Variants in FXR1 observed in about 807,000 individuals in gnomAD.
FXR1 encodes the protein FMR1 autosomal homolog 1, also known as RNA-binding protein FXR1.
In FXR1, 15 loss-of-function variants were observed where a neutral mutation model predicts 84.0. The ratio of observed to expected loss-of-function variants is 0.18; its 90% CI spans 0.12 to 0.27. FXR1 has a LOEUF of 0.27. Ranked by LOEUF, FXR1 falls within the 10% of genes least tolerant of loss-of-function variation. The probability of loss-of-function intolerance (pLI) is 1.00; values close to 1 mark genes in which losing one functional copy is unlikely to be tolerated. For synonymous variants in FXR1, 245 were observed against 250.7 expected, an observed-to-expected ratio of 0.98 and a Z score of 0.21; for missense variants, 480 against 774.4, an observed-to-expected ratio of 0.62 and a Z score of 4.51.
intron 3 of FXR1, among the ~76,000 whole-genome samples, chr3:180,940,625 C>G (rs1440116163): frequency 6.8e-6 from 1 of 147,800 alleles, no homozygotes; most frequent in Non-Finnish European, 1.5e-5. Context: ...TGTCCAGGCT[C>G]TAGTGCAATG....
intron 10 of FXR1, among the ~76,000 whole-genome samples, chr3:180,960,955 C>T (rs1255114192): frequency 6.6e-6 from 1 of 152,080 alleles, no homozygotes; most frequent in Non-Finnish European, 1.5e-5. Flanking sequence ...TTTCAACTTA[C>T]ATGGATTTTA....
Position 180,963,185 on chromosome 3 carries a change from A to G in FXR1, c.1198+95A>G, listed in dbSNP as rs1712362574. 3 of 626,250 alleles carry G rather than the reference A, an allele frequency of 4.8e-6. No individual in the cohort carries two copies. The East Asian group carries it at 8.4e-5, about 17-fold the overall frequency. The allele number at this position is 626,250 out of a possible 1,614,324, so 38.8% of individuals were successfully genotyped here. A position where few individuals can be genotyped will look rare whatever the true frequency, so the allele number is the denominator to read the frequency against. On this transcript the variant is annotated intron_variant, in intron 13 of 16. Coordinates refer to ENST00000357559, the MANE Select transcript of FXR1 (RefSeq NM_005087.4). ...CACATTTTCTTATAATTAGTTCATT[A>G]CTCTGTCTTGGCTTTGAGGGTAGAA...
At position 180,925,992 on chromosome 3, in the gene FXR1, C is replaced by A. The variant is rs911592142; in HGVS notation, c.52-7342C>A. ...ACCCTTCACTATCTAACAAACAGCC[C>A]AGTGTCTCTAATAAAGAAGGATTTA... is the stretch of plus-strand genomic sequence containing the variant. On this transcript the variant is annotated intron_variant, in intron 1 of 16. Coordinates refer to ENST00000357559, the MANE Select transcript of FXR1 (RefSeq NM_005087.4). Among the ~76,000 whole-genome samples, 4 of 152,072 alleles carry A rather than the reference C, an allele frequency of 2.6e-5. No homozygotes were observed. The East Asian group carries it at 7.7e-4, about 29-fold the overall frequency.
intron 1 of FXR1, among the ~76,000 whole-genome samples, chr3:180,919,647 G>T (rs1294050551): frequency 6.6e-6 from 1 of 151,028 alleles, no homozygotes; most frequent in Non-Finnish European, 1.5e-5. Flanking sequence ...AAATAATATT[G>T]AAATTAATAT....
chr3:180,972,794 T>C (rs1368473340), intron 15 of FXR1, among the ~76,000 whole-genome samples: 1 of 152,202 alleles, frequency 6.6e-6, no homozygotes, highest in Non-Finnish European at 1.5e-5. Context: ...TTCCCTCTTT[T>C]AAAACTCCTC....
intron 3 of FXR1, among the ~76,000 whole-genome samples, chr3:180,946,882 C>T (rs519618): frequency 0.049 from 7,424 of 152,232 alleles, 255 homozygotes; most frequent in Non-Finnish European, 0.071. Context: ...AGTTTCTTCT[C>T]AGCCCCCCTT....
rs1319368947 is a variant in FXR1, at chr3:180,957,829, TG to T, written c.893del (p.Gly298GlufsTer10). ...VPRNLVGKVI[G>X]KNGKVIQEIV... ...TTTCTCTTACTAAAGGAAAAGTAAT[TG>T]GAAAAAATGGCAAAGTTATTCAAGA... On this transcript the variant is annotated frameshift_variant, in exon 10 of 17. Coordinates refer to ENST00000357559, the MANE Select transcript of FXR1 (RefSeq NM_005087.4). LOFTEE classifies it high-confidence loss of function. The T allele has an allele frequency of 6.6e-7, 1 of 1,523,142 alleles. No homozygotes were observed. 94.4% of individuals were successfully genotyped at this position (1,523,142 alleles called of 1,614,324 possible). A position where few individuals can be genotyped will look rare whatever the true frequency, so the allele number is the denominator to read the frequency against.
intron 1 of FXR1, among the ~76,000 whole-genome samples, chr3:180,926,650 C>G (rs1008787005): frequency 3.3e-5 from 5 of 151,628 alleles, no homozygotes; most frequent in Non-Finnish European, 7.4e-5. Flanking sequence ...TCTGGACTTG[C>G]ATTTTAAAAC....
chr3:180,938,010 C>G (rs1215552657), intron 3 of FXR1, among the ~76,000 whole-genome samples: 1 of 151,998 alleles, frequency 6.6e-6, no homozygotes, highest in South Asian at 2.1e-4. Flanking sequence ...ATATTTGTGA[C>G]TTTTGTATTC....
chr3:180,941,799 T>C (rs1227391357), intron 3 of FXR1, among the ~76,000 whole-genome samples: 6 of 152,216 alleles, frequency 3.9e-5, no homozygotes, highest in Non-Finnish European at 5.9e-5. Flanking sequence ...GTGAATGAGA[T>C]AATACTATTA....
Position 180,948,798 on chromosome 3 carries a change from C to T in FXR1, c.497C>T (p.Thr166Ile). ...ACRIFYHPET[T>I]QLMILSASEA... The stretch of plus-strand genomic sequence containing the variant: ...AGAATTTTTTACCATCCAGAAACAA[C>T]ACAGCTAATGATACTGGTAAGATAG... Residue 166 changes from threonine (T) to isoleucine (I), a missense_variant, in exon 6 of 17, where the codon ACA becomes ATA. Transcript: ENST00000357559. The T allele has an allele frequency of 6.9e-7, 1 of 1,452,322 alleles. No individual in the cohort carries two copies. The allele number at this position is 1,452,322 out of a possible 1,614,324, so 90.0% of individuals were successfully genotyped here.
intron 9 of FXR1, among the ~76,000 whole-genome samples, chr3:180,956,622 G>A (rs998336741): frequency 6.6e-6 from 1 of 152,100 alleles, no homozygotes; most frequent in Non-Finnish European, 1.5e-5. Flanking sequence ...TGTTAACAAT[G>A]AAGGTTGCTT....
At chr3:180,975,611 A>G (rs1577013816) in intron 16 of FXR1, among the ~76,000 whole-genome samples, 1 of 152,222 alleles carries the variant, frequency 6.6e-6, no homozygotes, top group African/African-American at 2.4e-5. Context: ...TAGAGCTTCA[A>G]ATAGCATTTA....
intron 13 of FXR1, among the ~76,000 whole-genome samples, chr3:180,964,312 C>T (rs1712517535): frequency 6.6e-6 from 1 of 152,046 alleles, no homozygotes; most frequent in South Asian, 2.1e-4. Flanking sequence ...GATTTTTGAA[C>T]CATACATTAT....
chr3:180,927,661 C>G (rs1431735540), intron 1 of FXR1: 2 of 536,428 alleles, frequency 3.7e-6, no homozygotes, highest in Admixed American at 3.6e-5. Flanking sequence ...ATTTAAGCAC[C>G]CGTCTAAAAA....
At chr3:180,949,423 G>T in intron 7 of FXR1, 80 bp downstream of exon 7, 1 of 793,364 alleles carries the variant, frequency 1.3e-6, no homozygotes, top group Non-Finnish European at 2.3e-6. Context: ...TTCTGGCTCT[G>T]TTGCCCAGGC....
At position 180,976,217 on chromosome 3, in the gene FXR1, TC is replaced by T; in HGVS notation, c.1793del (p.Pro598GlnfsTer9). 1 of 1,612,164 alleles carries T rather than the reference TC, an allele frequency of 6.2e-7. No homozygotes were observed. The highest frequency in any genetic ancestry group is 8.5e-7 in the Non-Finnish European group (1 of 1,178,328). The stretch of plus-strand genomic sequence containing the variant: ...ATGACATTTCTAAGCTACAGCGTAC[TC>T]CAGGAGAAGAAAAGATTAATACCTT... Reference protein sequence around the residue: ...GDDISKLQRTPGEEKINTLKE... With the variant: ...GDDISKLQRTXGEEKINTLKE... On this transcript the variant is annotated frameshift_variant, in exon 17 of 17. Coordinates refer to ENST00000357559, the MANE Select transcript of FXR1 (RefSeq NM_005087.4). LOFTEE classifies it high-confidence loss of function.
At chr3:180,960,672 C>T (rs1046731366) in intron 10 of FXR1, among the ~76,000 whole-genome samples, 1 of 151,968 alleles carries the variant, frequency 6.6e-6, no homozygotes, top group Non-Finnish European at 1.5e-5. Context: ...TCCATGCTGC[C>T]CAGGCTGGTC....
chr3:180,944,193 G>A (rs749354211), intron 3 of FXR1, among the ~76,000 whole-genome samples: 2 of 151,774 alleles, frequency 1.3e-5, no homozygotes, highest in African/African-American at 4.8e-5. Flanking sequence ...GATTACAGGC[G>A]TGAGCCACCG....
Sources: allele counts gnomAD v4.1 joint callset (sites outside exome capture counted in the v4.1 genomes callset), GRCh38; gene constraint gnomAD v4.1.1; transcripts MANE v1.5; gene names NCBI Gene and HGNC (gene_info 2026-07-23, HGNC 2026-07-21).